CHUK: variants seen among roughly 807,000 people sequenced by gnomAD.
CHUK encodes component of inhibitor of nuclear factor kappa B kinase complex.
Under a neutral mutation model 104.8 loss-of-function variants are expected in CHUK, and 35 were observed. The observed-to-expected ratio is 0.33, with a 90% CI of 0.26 to 0.44. The LOEUF (loss-of-function observed/expected upper bound fraction) is 0.44. Among genes scored for constraint, CHUK ranks in the 20% least tolerant of loss-of-function variants. The pLI, the probability that CHUK is intolerant of heterozygous loss-of-function variation, is 1.00. For synonymous variants in CHUK, 276 were observed against 291.9 expected (o/e 0.95, Z 0.56); for missense variants, 663 against 902.7 (o/e 0.73, Z 3.40).
chr10:100,198,782 G>C (rs552918705), intron 16 of CHUK, among the ~76,000 whole-genome samples: 1 of 152,176 alleles, frequency 6.6e-6, no homozygotes, highest in South Asian at 2.1e-4. Context: ...TAATTTGCAT[G>C]TGTTGCTATG....
chr10:100,202,796 C>T (rs557471784), intron 13 of CHUK, among the ~76,000 whole-genome samples: 1 of 152,048 alleles, frequency 6.6e-6, no homozygotes, highest in Non-Finnish European at 1.5e-5. Context: ...TAGAGTCTCA[C>T]TCTGTCACCC....
intron 9 of CHUK, among the ~76,000 whole-genome samples, chr10:100,210,322 C>T (rs916854561): frequency 4.6e-5 from 7 of 151,618 alleles, no homozygotes; most frequent in South Asian, 4.2e-4. Context: ...CTCCTGACCT[C>T]GTGATCCGCC....
At chr10:100,190,622 A>G (rs941630077) in intron 20 of CHUK, 4 of 514,586 alleles carry the variant, frequency 7.8e-6, no homozygotes, top group East Asian at 7.3e-5. Context: ...ATTGTGAAGA[A>G]GCTTACCACT....
Position 100,229,433 on chromosome 10 carries a change from G to T in CHUK, c.100C>A (p.His34Asn). ...CCTCTCACGCCCCGCCTCACCCGAT[G>T]CTGGTACAGACAGACGTTCCCGAAG... Reference protein sequence around the residue: ...GGFGNVCLYQHRELDLKIAIK... With the variant: ...GGFGNVCLYQNRELDLKIAIK... Residue 34 changes from histidine (H) to asparagine (N), a missense_variant, in exon 1 of 21, where the codon CAT becomes AAT. Coordinates refer to ENST00000370397, the MANE Select transcript of CHUK (RefSeq NM_001278.5). The T allele has an allele frequency of 6.2e-7, 1 of 1,603,476 alleles. No individual in the cohort carries two copies.
intron 5 of CHUK, among the ~76,000 whole-genome samples, chr10:100,219,589 A>G (rs185213012): frequency 3.7e-4 from 56 of 152,346 alleles, no homozygotes; most frequent in Admixed American, 7.2e-4. Context: ...CCTGCTTCAC[A>G]GAATTGTTAT....
chr10:100,228,048 C>A (rs761942891), intron 1 of CHUK, among the ~76,000 whole-genome samples: 6 of 152,254 alleles, frequency 3.9e-5, no homozygotes, highest in South Asian at 4.1e-4. Flanking sequence ...ATCATAGCAG[C>A]AACAACAACA....
chr10:100,229,369 G>A, intron 1 of CHUK, 59 bp downstream of exon 1: 1 of 1,271,796 alleles, frequency 7.9e-7, no homozygotes, highest in South Asian at 1.2e-5. Context: ...GTGTTCCACA[G>A]ACGCTCAAAC....
At chr10:100,194,740 T>C (rs1845285480) in intron 16 of CHUK, 1 of 367,604 alleles carries the variant, frequency 2.7e-6, no homozygotes, top group Admixed American at 4.1e-5. Flanking sequence ...GTATAATGTA[T>C]ATATAAATTT....
At chr10:100,195,045 T>A (rs1845292238) in intron 16 of CHUK, 2 of 152,674 alleles carry the variant, frequency 1.3e-5, no homozygotes, top group Admixed American at 1.3e-4. Flanking sequence ...CCTGTAGACA[T>A]CCTGAAAGTT....
chr10:100,210,190 C>G (rs944502364), intron 9 of CHUK, among the ~76,000 whole-genome samples: 1 of 149,034 alleles, frequency 6.7e-6, no homozygotes, highest in Non-Finnish European at 1.5e-5. Flanking sequence ...CGGGTTCACG[C>G]CATTCTCCTG....
chr10:100,198,660 G>A (rs536489669), intron 16 of CHUK, among the ~76,000 whole-genome samples: 37 of 152,306 alleles, frequency 2.4e-4, no homozygotes, highest in African/African-American at 7.0e-4. Context: ...TTTGAGAACT[G>A]CTGGTCAGAC....
In CHUK at chr10:100,205,116, C is replaced by G; in HGVS notation, c.1315G>C (p.Glu439Gln). Residue 439 changes from glutamate to glutamine, a missense_variant, in exon 12 of 21, where the codon GAA becomes CAA. Glu to Gln is a conservative substitution (Grantham distance 29). This residue lies in a region of CHUK where 311 missense variants were observed against 393.4 expected (regional missense o/e 0.79). Coordinates refer to ENST00000370397, the MANE Select transcript of CHUK (RefSeq NM_001278.5). ...EAVHYVSGLK[E>Q]DYSRLFQGQR... ...CCCTGAAAGAGCCTGCTATAGTCTTCTTTTAGTCCAGACACATAGTGCACT... is the reference window on the plus strand; with the variant it reads ...CCCTGAAAGAGCCTGCTATAGTCTTGTTTTAGTCCAGACACATAGTGCACT... 1.2e-6 allele frequency: 2 copies of G among 1,614,142 alleles called. No homozygotes were observed. The highest frequency in any genetic ancestry group is 1.7e-6 in the Non-Finnish European group (2 of 1,179,986).
intron 6 of CHUK, 51 bp downstream of exon 6, chr10:100,219,219 A>G (rs751683137): frequency 6.4e-7 from 1 of 1,552,414 alleles, no homozygotes; most frequent in South Asian, 1.1e-5. Flanking sequence ...ATCTTCAGAA[A>G]TAAGAGAATC....
intron 3 of CHUK, 120 bp downstream of exon 3, chr10:100,222,746 C>T (rs1846019085): frequency 1.5e-6 from 1 of 679,300 alleles, no homozygotes; most frequent in Non-Finnish European, 2.7e-6. Context: ...ACTTTATTTA[C>T]AAAACAGGAA....
chr10:100,186,650 G>A (rs1214787550), downstream of CHUK: 2 of 152,244 alleles, frequency 1.3e-5, no homozygotes, highest in Non-Finnish European at 2.9e-5. Flanking sequence ...TTTCCTTGAA[G>A]GCTTGTGTGA....
In CHUK at chr10:100,220,668, T is replaced by C. The variant is rs1845965985; in HGVS notation, c.394A>G (p.Ile132Val). 3 of 1,601,736 alleles carry C rather than the reference T, an allele frequency of 1.9e-6. No individual in the cohort carries two copies. The highest frequency in any genetic ancestry group is 2.6e-6 in the Non-Finnish European group (3 of 1,168,998). ...LSLLSDIGSG[I>V]RYLHENKIIH... ...ATTTTGTTTTCATGCAAATATCGAATCCCAGACCCTAAATAAAGTTTAAAA... is the reference window on the plus strand; with the variant it reads ...ATTTTGTTTTCATGCAAATATCGAACCCCAGACCCTAAATAAAGTTTAAAA... Residue 132 changes from isoleucine (I) to valine (V), a missense_variant, in exon 5 of 21, where the codon ATT becomes GTT. Physicochemically the swap from Ile to Val is conservative, Grantham distance 29 (BLOSUM62 3). Coordinates refer to ENST00000370397, the MANE Select transcript of CHUK (RefSeq NM_001278.5).
At chr10:100,212,208 A>T (rs1845745416) in intron 9 of CHUK, among the ~76,000 whole-genome samples, 1 of 152,094 alleles carries the variant, frequency 6.6e-6, no homozygotes, top group African/African-American at 2.4e-5. Context: ...AATTTTGAGG[A>T]ACCTTTGTAC....
chr10:100,209,034 G>C (rs757204772), intron 10 of CHUK, among the ~76,000 whole-genome samples: 1 of 152,156 alleles, frequency 6.6e-6, no homozygotes, highest in Non-Finnish European at 1.5e-5. Context: ...GACAAGATAA[G>C]GGTAATCACC....
chr10:100,205,402 G>A (rs577914789), intron 11 of CHUK, among the ~76,000 whole-genome samples: 2 of 152,192 alleles, frequency 1.3e-5, no homozygotes, highest in South Asian at 2.1e-4. Flanking sequence ...CTTAAGCCCC[G>A]CTCCACATAC....
Sources: gnomAD v4.1 joint callset for allele counts (sites outside exome capture counted in the v4.1 genomes callset) on GRCh38, gnomAD v4.1.1 for gene constraint, gnomAD v4.1.1 regional missense constraint, MANE v1.5 for transcripts, NCBI Gene and HGNC (gene_info 2026-07-23, HGNC 2026-07-21) for gene names.